The following SLC44A5 variants were observed in gnomAD, a reference collection of about 807,000 sequenced individuals.
The protein encoded by SLC44A5 is choline transporter-like protein 5.
A neutral mutation model predicts 101.8 loss-of-function variants in SLC44A5; 57 were observed. The ratio of observed to expected loss-of-function variants is 0.56; its 90% CI spans 0.45 to 0.70. The LOEUF (loss-of-function observed/expected upper bound fraction) is 0.70. Ranked by LOEUF, SLC44A5 falls within the 30% of genes least tolerant of loss-of-function variation. The pLI, the probability that SLC44A5 is intolerant of heterozygous loss-of-function variation, is 0.00. For synonymous variants in SLC44A5, 281 were observed against 290.9 expected (o/e 0.97, Z 0.35); for missense variants, 737 against 853.1 (o/e 0.86, Z 1.70).
chr1:75,222,248 G>A (rs976308530), intron 14 of SLC44A5, 113 bp downstream of exon 14: 14 of 775,330 alleles, frequency 1.8e-5, no homozygotes, highest in Admixed American at 4.3e-5. Flanking sequence ...GAACCACCGC[G>A]CCCAGCAAAA....
At chr1:75,213,011 G>GT (rs1646888665) in intron 22 of SLC44A5, among the ~76,000 whole-genome samples, 1 of 152,112 alleles carries the variant, frequency 6.6e-6, no homozygotes, top group Non-Finnish European at 1.5e-5. Flanking sequence ...GTCAGTTCAT[G>GT]ACCAAAAACT....
intron 1 of SLC44A5, among the ~76,000 whole-genome samples, chr1:75,543,797 T>C (rs901406026): frequency 1.3e-5 from 2 of 151,696 alleles, no homozygotes; most frequent in Non-Finnish European, 2.9e-5. Flanking sequence ...CCAACCTTGT[T>C]TGCTAAATTG....
chr1:75,537,018 A>G (rs1188673694), intron 2 of SLC44A5, among the ~76,000 whole-genome samples: 1 of 40,848 alleles, frequency 2.4e-5, no homozygotes, highest in Non-Finnish European at 1.0e-4. Context: ...AAAAAAAAAA[A>G]AAAAAAAAAA....
At chr1:75,720,539 T>C in the SLC44A5 span, 2 of 152,252 alleles carry the variant, frequency 1.3e-5, no homozygotes, top group African/African-American at 2.4e-5. Context: ...TATTACCCTA[T>C]AAATTACTTC....
At chr1:75,503,191 C>T (rs1434413745) in intron 2 of SLC44A5, among the ~76,000 whole-genome samples, 1 of 152,122 alleles carries the variant, frequency 6.6e-6, no homozygotes, top group Non-Finnish European at 1.5e-5. Flanking sequence ...GGCCAATTAA[C>T]ACTTCTCCTG....
At chr1:75,362,282 C>G (rs775538365) in intron 3 of SLC44A5, among the ~76,000 whole-genome samples, 1 of 151,432 alleles carries the variant, frequency 6.6e-6, no homozygotes, top group South Asian at 2.1e-4. Flanking sequence ...TTTCTAGTCT[C>G]GCATTTATTT....
chr1:75,696,041 A>C, the SLC44A5 span, among the ~76,000 whole-genome samples: 4 of 152,044 alleles, frequency 2.6e-5, no homozygotes, highest in Non-Finnish European at 5.9e-5. Flanking sequence ...TGCATCAGTC[A>C]GGATATGTTA....
the SLC44A5 span, among the ~76,000 whole-genome samples, chr1:75,707,659 C>T: frequency 2.0e-5 from 3 of 152,140 alleles, no homozygotes; most frequent in South Asian, 6.2e-4. Context: ...ACTTGATAAT[C>T]TTATTTTTTA....
At position 75,211,508 on chromosome 1, in the gene SLC44A5, G is replaced by C; in HGVS notation, c.2007C>G (p.Ser669Arg). 6.2e-7 allele frequency: 1 copy of C among 1,612,652 alleles called. No individual in the cohort carries two copies. The highest frequency in any genetic ancestry group is 8.5e-7 in the Non-Finnish European group (1 of 1,179,102). The stretch of plus-strand genomic sequence containing the variant: ...TTGTTTCAACACACATTGCATAGAC[G>C]CTGAAGAACCCATGTGCAATCAGGT... ...GSYLIAHGFFSVYAMCVETIF... is the reference protein window; with the variant it reads ...GSYLIAHGFFRVYAMCVETIF... Residue 669 changes from serine (S) to arginine (R), a missense_variant, in exon 23 of 24, where the codon AGC becomes AGG. Ser to Arg is a moderately radical substitution (Grantham distance 110). Around this residue, in one of 3 missense-constraint regions of SLC44A5, gnomAD observed 61 missense variants for 56.5 expected, o/e 1.08. Transcript: ENST00000370859.
At chr1:75,345,227 T>C (rs1658161487) in intron 3 of SLC44A5, among the ~76,000 whole-genome samples, 1 of 152,090 alleles carries the variant, frequency 6.6e-6, no homozygotes, top group South Asian at 2.1e-4. Context: ...CTGATTGTAA[T>C]GTCAAGGCAA....
At chr1:75,355,831 T>C (rs559533935) in intron 3 of SLC44A5, among the ~76,000 whole-genome samples, 1 of 152,226 alleles carries the variant, frequency 6.6e-6, no homozygotes, top group African/African-American at 2.4e-5. Context: ...ATGACTATGT[T>C]ACTTGTTTAT....
At chr1:75,536,273 A>T (rs1670992639) in intron 2 of SLC44A5, among the ~76,000 whole-genome samples, 1 of 152,188 alleles carries the variant, frequency 6.6e-6, no homozygotes, top group Non-Finnish European at 1.5e-5. Context: ...CCTGAGGATT[A>T]CATAAAAAAC....
At chr1:75,566,365 G>A (rs1570628993) in intron 1 of SLC44A5, among the ~76,000 whole-genome samples, 1 of 152,282 alleles carries the variant, frequency 6.6e-6, no homozygotes, top group East Asian at 1.9e-4. Context: ...GAATAAGAAT[G>A]AGTCTGTGAA....
chr1:75,489,738 A>T (rs1668337621), intron 2 of SLC44A5, among the ~76,000 whole-genome samples: 1 of 152,212 alleles, frequency 6.6e-6, no homozygotes, highest in African/African-American at 2.4e-5. Context: ...ACTGACAAAA[A>T]ATAAGTAGAT....
chr1:75,288,894 G>A (rs1039425685), intron 5 of SLC44A5, among the ~76,000 whole-genome samples: 3 of 152,172 alleles, frequency 2.0e-5, no homozygotes, highest in African/African-American at 4.8e-5. Flanking sequence ...TAGGCTACAG[G>A]GTTTTGATAA....
chr1:75,221,568 T>A (rs1170484187), intron 14 of SLC44A5, among the ~76,000 whole-genome samples: 1 of 152,184 alleles, frequency 6.6e-6, no homozygotes, highest in African/African-American at 2.4e-5. Context: ...AATTGTCCTG[T>A]CTATTAGAAA....
At chr1:75,555,545 C>T (rs1672169958) in intron 1 of SLC44A5, among the ~76,000 whole-genome samples, 2 of 152,000 alleles carry the variant, frequency 1.3e-5, no homozygotes, top group African/African-American at 2.4e-5. Context: ...ATGTTTTGGC[C>T]TCACATTATA....
chr1:75,497,489 G>T (rs924287265), intron 2 of SLC44A5, among the ~76,000 whole-genome samples: 6 of 152,050 alleles, frequency 3.9e-5, no homozygotes, highest in African/African-American at 1.4e-4. Flanking sequence ...TGGGGGGAGT[G>T]GTAGGTGGAG....
chr1:75,276,017 T>C (rs1020899115), intron 5 of SLC44A5, among the ~76,000 whole-genome samples: 3 of 152,148 alleles, frequency 2.0e-5, no homozygotes, highest in Non-Finnish European at 4.4e-5. Flanking sequence ...CTGTGTGACT[T>C]GGGAAGATAA....
Sources: allele counts gnomAD v4.1 joint callset (sites outside exome capture counted in the v4.1 genomes callset), GRCh38; gene constraint gnomAD v4.1.1; regional missense constraint gnomAD v4.1.1; transcripts MANE v1.5; gene names NCBI Gene and HGNC (gene_info 2026-07-23, HGNC 2026-07-21).